KCNH7: variants seen among roughly 807,000 people sequenced by gnomAD.
The protein encoded by KCNH7 is potassium voltage-gated channel subfamily H member 7.
In KCNH7, 49 loss-of-function variants were observed where a neutral mutation model predicts 120.8. That is an observed-to-expected ratio of 0.41 (90% CI 0.32 to 0.51). The LOEUF is 0.51. Ranked by LOEUF, KCNH7 falls within the 20% of genes least tolerant of loss-of-function variation. The pLI is 0.38. For missense variants in KCNH7, 1,097 were observed against 1,446.6 expected, an observed-to-expected ratio of 0.76 and a Z score of 3.92; for synonymous variants, 547 against 516.1, an observed-to-expected ratio of 1.06 and a Z score of -0.81.
chr2:162,734,688 T>G (rs1049659323), intron 2 of KCNH7, among the ~76,000 whole-genome samples: 5 of 148,302 alleles, frequency 3.4e-5, no homozygotes, highest in African/African-American at 1.3e-4. Context: ...CATAAATCAT[T>G]GGAGAGCATT....
At chr2:162,754,921 T>C (rs978966220) in intron 2 of KCNH7, among the ~76,000 whole-genome samples, 2 of 152,110 alleles carry the variant, frequency 1.3e-5, no homozygotes, top group African/African-American at 2.4e-5. Context: ...AATATACGAA[T>C]TTACTGTCAC....
intron 2 of KCNH7, among the ~76,000 whole-genome samples, chr2:162,624,865 A>C (rs1365953520): frequency 6.9e-6 from 1 of 145,912 alleles, no homozygotes; most frequent in Non-Finnish European, 1.5e-5. Flanking sequence ...TTCAAGGAGC[A>C]TGGTGGTTAA....
intron 6 of KCNH7, among the ~76,000 whole-genome samples, chr2:162,480,804 C>T (rs1000048910): frequency 6.6e-6 from 1 of 152,078 alleles, no homozygotes; most frequent in Non-Finnish European, 1.5e-5. Flanking sequence ...AATGGTCTAG[C>T]TTATATAGGG....
chr2:162,434,820 T>C (rs1345208165), intron 8 of KCNH7, among the ~76,000 whole-genome samples: 2 of 151,896 alleles, frequency 1.3e-5, no homozygotes, highest in Non-Finnish European at 2.9e-5. Context: ...ATTTTTTATA[T>C]CTATCTATCT....
chr2:162,739,261 G>A (rs1688029431), intron 2 of KCNH7, among the ~76,000 whole-genome samples: 1 of 152,044 alleles, frequency 6.6e-6, no homozygotes, highest in South Asian at 2.1e-4. Flanking sequence ...CTAGTCTTGA[G>A]GGCTAGGAAC....
intron 2 of KCNH7, among the ~76,000 whole-genome samples, chr2:162,824,466 C>T (rs1463905261): frequency 6.6e-6 from 1 of 152,044 alleles, no homozygotes; most frequent in African/African-American, 2.4e-5. Context: ...CCTACTGAGC[C>T]TTGGTTAAGT....
chr2:162,513,305 CCCT>C (rs1691154171), intron 4 of KCNH7, among the ~76,000 whole-genome samples: 1 of 146,774 alleles, frequency 6.8e-6, no homozygotes, highest in African/African-American at 2.5e-5. Context: ...TTCCCTCCTT[CCCT>C]CCTTCCTTCT....
At chr2:162,498,646 G>C (rs1267205351) in intron 6 of KCNH7, among the ~76,000 whole-genome samples, 1 of 151,986 alleles carries the variant, frequency 6.6e-6, no homozygotes, top group Non-Finnish European at 1.5e-5. Context: ...TCAGTCAAGG[G>C]ACTATACTTT....
chr2:162,434,785 T>C (rs993393327), intron 8 of KCNH7, among the ~76,000 whole-genome samples: 2 of 152,034 alleles, frequency 1.3e-5, no homozygotes, highest in African/African-American at 4.8e-5. Flanking sequence ...ATGATATATA[T>C]GGTTAACATT....
intron 9 of KCNH7, among the ~76,000 whole-genome samples, chr2:162,418,727 G>A (rs967130406): frequency 6.6e-6 from 1 of 152,116 alleles, no homozygotes; most frequent in Non-Finnish European, 1.5e-5. Context: ...TGCTCTGACA[G>A]ATCATAGAGA....
chr2:162,542,505 G>A (rs1692344611), intron 2 of KCNH7, among the ~76,000 whole-genome samples: 2 of 147,926 alleles, frequency 1.4e-5, no homozygotes, highest in Non-Finnish European at 3.0e-5. Flanking sequence ...GCAGCGTTTG[G>A]CTTTTTGTCC....
chr2:162,711,555 T>C (rs1686930302), intron 2 of KCNH7, among the ~76,000 whole-genome samples: 1 of 152,256 alleles, frequency 6.6e-6, no homozygotes, highest in Admixed American at 6.5e-5. Context: ...AATTTAGTTC[T>C]TATTTTTTTC....
rs144239705 is a variant in KCNH7, at chr2:162,558,847, A to G, written c.308-21767T>C. The stretch of plus-strand genomic sequence containing the variant: ...GGGAGGCCGAGGTGGGCTGATCACG[A>G]GGTCAGGATATCGAGACCATCCACG... On this transcript the variant is annotated intron_variant, in intron 2 of 15. Coordinates refer to ENST00000332142, the MANE Select transcript of KCNH7 (RefSeq NM_033272.4). Among the ~76,000 whole-genome samples the G allele has an allele frequency of 3.0e-3, 450 of 151,854 alleles. 5 individuals are homozygous for G. The highest frequency in any genetic ancestry group is 1.0e-2 in the African/African-American group (413 of 41,422).
At chr2:162,704,274 T>C (rs2105347931) in intron 2 of KCNH7, among the ~76,000 whole-genome samples, 2 of 152,230 alleles carry the variant, frequency 1.3e-5, no homozygotes, top group African/African-American at 4.8e-5. Context: ...CCAATGTTGA[T>C]AGATTAAAAA....
rs73974062 is a variant in KCNH7, at chr2:162,749,283, G to A, written c.307+87254C>T. ...CGATCACCTTTTTTTTAAACACACT[G>A]CACTAAATGTTAAGGAATATGGAAA... On this transcript the variant is annotated intron_variant, in intron 2 of 15. Transcript: ENST00000332142. Among the ~76,000 whole-genome samples the A allele has an allele frequency of 4.0e-3, 609 of 151,126 alleles. 4 individuals carry two copies. Among genetic ancestry groups the A allele is most frequent in the African/African-American group, 0.014 (587 of 41,102 alleles).
intron 6 of KCNH7, among the ~76,000 whole-genome samples, chr2:162,478,737 A>G (rs576248984): frequency 6.6e-6 from 1 of 152,308 alleles, no homozygotes; most frequent in African/African-American, 2.4e-5. Context: ...AGTCTAATAT[A>G]AAGCCATAGA....
intron 2 of KCNH7, among the ~76,000 whole-genome samples, chr2:162,789,425 A>T (rs1446294244): frequency 6.6e-6 from 1 of 152,060 alleles, no homozygotes; most frequent in Non-Finnish European, 1.5e-5. Context: ...GACTTTAATA[A>T]CCCACTTTCA....
At chr2:162,604,639 T>C (rs912371094) in intron 2 of KCNH7, among the ~76,000 whole-genome samples, 2 of 152,140 alleles carry the variant, frequency 1.3e-5, no homozygotes, top group African/African-American at 4.8e-5. Flanking sequence ...TTGATGCAAG[T>C]GTCCTTAGAC....
At chr2:162,644,253 GT>G (rs1257930666) in intron 2 of KCNH7, among the ~76,000 whole-genome samples, 3 of 151,812 alleles carry the variant, frequency 2.0e-5, no homozygotes, top group Non-Finnish European at 4.4e-5. Flanking sequence ...CAAGTAAGAA[GT>G]GATTTAAATA....
Sources: gnomAD v4.1 joint callset for allele counts (sites outside exome capture counted in the v4.1 genomes callset) on GRCh38, gnomAD v4.1.1 for gene constraint, MANE v1.5 for transcripts, NCBI Gene and HGNC (gene_info 2026-07-23, HGNC 2026-07-21) for gene names.